The following PDS5B variants were observed in gnomAD, a reference collection of about 807,000 sequenced individuals.
The protein encoded by PDS5B is sister chromatid cohesion protein PDS5 homolog B.
A neutral mutation model predicts 184.1 loss-of-function variants in PDS5B; 51 were observed. The ratio of observed to expected loss-of-function variants is 0.28; its 90% CI spans 0.22 to 0.35. The LOEUF (loss-of-function observed/expected upper bound fraction) is 0.35. Among genes scored for constraint, PDS5B ranks in the 10% least tolerant of loss-of-function variants. The pLI is 1.00. For synonymous variants in PDS5B, 566 were observed against 569.2 expected, an observed-to-expected ratio of 0.99 and a Z score of 0.08; for missense variants, 1,180 against 1,723.3, an observed-to-expected ratio of 0.68 and a Z score of 5.58.
At chr13:32,682,468 AATTT>A (rs1951274537) in intron 10 of PDS5B, among the ~76,000 whole-genome samples, 1 of 152,052 alleles carries the variant, frequency 6.6e-6, no homozygotes, top group South Asian at 2.1e-4. Context: ...CTGTTTTGTT[AATTT>A]ATTCTTTATT....
chr13:32,683,169 C>A (rs1469257441), intron 10 of PDS5B, among the ~76,000 whole-genome samples: 3 of 152,146 alleles, frequency 2.0e-5, no homozygotes, highest in African/African-American at 7.2e-5. Context: ...TGTGCCACCA[C>A]ACTTGGCTAA....
intron 3 of PDS5B, among the ~76,000 whole-genome samples, chr13:32,656,613 A>G (rs113093304): frequency 1.0e-5 from 1 of 95,348 alleles, no homozygotes; most frequent in East Asian, 2.6e-4. Flanking sequence ...TTTTTTTTTT[A>G]AAAGACAAAG....
At chr13:32,737,691 G>A (rs554334232) in intron 21 of PDS5B, among the ~76,000 whole-genome samples, 1 of 152,254 alleles carries the variant, frequency 6.6e-6, no homozygotes, top group East Asian at 1.9e-4. Context: ...AAACAGAACT[G>A]CTCACCATTT....
At chr13:32,642,857 CTTG>C (rs1320028312) in intron 1 of PDS5B, among the ~76,000 whole-genome samples, 3 of 152,012 alleles carry the variant, frequency 2.0e-5, no homozygotes, top group African/African-American at 7.2e-5. Context: ...TTTTTCCAAG[CTTG>C]TTGTTTATTT....
At chr13:32,608,940 T>A (rs970568608) in intron 1 of PDS5B, among the ~76,000 whole-genome samples, 3 of 152,206 alleles carry the variant, frequency 2.0e-5, no homozygotes, top group Admixed American at 2.0e-4. Flanking sequence ...CACTTTTGTC[T>A]TCTAAATTTC....
intron 21 of PDS5B, among the ~76,000 whole-genome samples, chr13:32,737,260 A>G (rs1593561433): frequency 1.3e-5 from 2 of 152,236 alleles, no homozygotes; most frequent in Admixed American, 6.5e-5. Context: ...CTTCCATCCA[A>G]TGAAAATGGA....
intron 1 of PDS5B, among the ~76,000 whole-genome samples, chr13:32,630,006 A>G (rs1483774995): frequency 1.3e-5 from 2 of 152,220 alleles, no homozygotes; most frequent in Non-Finnish European, 2.9e-5. Flanking sequence ...ATTGCATTCA[A>G]CTAACTGAAA....
chr13:32,635,436 C>T lies in PDS5B; in HGVS notation c.-19-13318C>T, dbSNP rs1459160570. On this transcript the variant is annotated intron_variant, in intron 1 of 34. Transcript: ENST00000315596. ...TTGGCTCACTACAACCTCCGCCTCC[C>T]GGGTTCAAGTGATTCTCCTGCCTCA... 3.4e-5 allele frequency among the ~76,000 whole-genome samples: 5 copies of T among 149,110 alleles called. No individual in the cohort carries two copies. The South Asian group carries it at 6.4e-4, about 19-fold the overall frequency.
chr13:32,771,200 T>G (rs956720337), intron 33 of PDS5B: 3 of 154,798 alleles, frequency 1.9e-5, no homozygotes, highest in African/African-American at 7.2e-5. Context: ...ACAGGTACCA[T>G]TTTTTAAAAA....
chr13:32,617,772 G>A (rs1438495523), intron 1 of PDS5B, among the ~76,000 whole-genome samples: 1 of 152,102 alleles, frequency 6.6e-6, no homozygotes, highest in East Asian at 1.9e-4. Flanking sequence ...AGTGTTTATT[G>A]GATATTTCTT....
chr13:32,666,353 A>G (rs1950795722), intron 6 of PDS5B, among the ~76,000 whole-genome samples: 1 of 152,196 alleles, frequency 6.6e-6, no homozygotes, highest in South Asian at 2.1e-4. Flanking sequence ...TGCTGGGATT[A>G]CAAGTGTGAG....
intron 19 of PDS5B, among the ~76,000 whole-genome samples, chr13:32,714,577 A>G (rs1368824009): frequency 6.6e-6 from 1 of 152,184 alleles, no homozygotes; most frequent in Admixed American, 6.5e-5. Context: ...TTATAAGCCT[A>G]TACCTCCAGG....
At chr13:32,591,128 A>T (rs1229651151) in intron 1 of PDS5B, among the ~76,000 whole-genome samples, 3 of 151,380 alleles carry the variant, frequency 2.0e-5, no homozygotes, top group Non-Finnish European at 2.9e-5. Flanking sequence ...TATTTATTTT[A>T]TTATTATTAT....
intron 24 of PDS5B, among the ~76,000 whole-genome samples, chr13:32,752,959 C>A (rs142749887): frequency 9.9e-4 from 150 of 152,096 alleles, no homozygotes; most frequent in African/African-American, 3.5e-3. Flanking sequence ...TTTTCAGTGA[C>A]AGAACTAAAA....
At chr13:32,737,774 C>T (rs945218495) in intron 21 of PDS5B, among the ~76,000 whole-genome samples, 4 of 152,086 alleles carry the variant, frequency 2.6e-5, no homozygotes, top group African/African-American at 9.7e-5. Flanking sequence ...ATTTGTATAA[C>T]ATGTTTCATA....
In PDS5B at chr13:32,686,099, C is replaced by T. The variant is rs145347383; in HGVS notation, c.1204-1035C>T. ...GACCATAGCAAAAGAAAAAGGACCACGAAGGAAAAAATTAATAATCTCTGC... is the reference window on the plus strand; with the variant it reads ...GACCATAGCAAAAGAAAAAGGACCATGAAGGAAAAAATTAATAATCTCTGC... On this transcript the variant is annotated intron_variant, in intron 11 of 34. Transcript: ENST00000315596. Among the ~76,000 whole-genome samples the T allele has an allele frequency of 3.3e-5, 5 of 152,146 alleles. No homozygotes were observed. In the East Asian group the frequency reaches 7.7e-4, roughly 23 times the overall value.
At chr13:32,675,495 A>G (rs1360637971) in intron 8 of PDS5B, among the ~76,000 whole-genome samples, 1 of 152,186 alleles carries the variant, frequency 6.6e-6, no homozygotes, top group Non-Finnish European at 1.5e-5. Flanking sequence ...AAAACCACAC[A>G]TAGTTTTTCA....
intron 7 of PDS5B, 40 bp from the exon 8 acceptor site, chr13:32,673,175 TG>T: frequency 6.4e-7 from 1 of 1,561,684 alleles, no homozygotes; most frequent in Non-Finnish European, 8.7e-7. Context: ...AACTTGTCTC[TG>T]GTTTTTCTAC....
Position 32,742,572 on chromosome 13 carries a change from C to T in PDS5B, c.2476-19C>T, listed in dbSNP as rs753160317. 9 of 1,589,588 alleles carry T rather than the reference C, an allele frequency of 5.7e-6. No homozygotes were observed. The highest frequency in any genetic ancestry group is 5.4e-5 in the Admixed American group (3 of 55,590). On this transcript the variant is annotated intron_variant, in intron 22 of 34. Coordinates refer to ENST00000315596, the MANE Select transcript of PDS5B (RefSeq NM_015032.4). ...CAAAATGTACCAGTGTTTTATTTGT[C>T]GACTTGTCTCTTAAATAGATTCAGG...
Sources: gnomAD v4.1 joint callset for allele counts (sites outside exome capture counted in the v4.1 genomes callset) on GRCh38, gnomAD v4.1.1 for gene constraint, MANE v1.5 for transcripts, NCBI Gene and HGNC (gene_info 2026-07-23, HGNC 2026-07-21) for gene names.